STPG2: variants seen among roughly 807,000 people sequenced by gnomAD.
STPG2 encodes the protein sperm tail PG-rich repeat containing 2.
STPG2 carries 56 observed loss-of-function variants against 54.2 expected under a neutral mutation model. The observed-to-expected ratio is 1.03, with a 90% CI of 0.83 to 1.29. The LOEUF is 1.29. Ranked by LOEUF, STPG2 falls within the 50% of genes most tolerant of loss-of-function variation. STPG2 has a pLI of 0.00. For missense variants in STPG2, 596 were observed against 544.9 expected (o/e 1.09, Z -0.93); for synonymous variants, 200 against 181.8 (o/e 1.10, Z -0.81).
chr4:97,644,441 G>T (rs1042129865), intron 10 of STPG2, among the ~76,000 whole-genome samples: 1 of 151,920 alleles, frequency 6.6e-6, no homozygotes, highest in Admixed American at 6.6e-5. Context: ...AACCTTAAAA[G>T]CAACAGATGA....
intron 8 of STPG2, among the ~76,000 whole-genome samples, chr4:97,905,239 C>A (rs1358594086): frequency 6.6e-6 from 1 of 152,074 alleles, no homozygotes; most frequent in African/African-American, 2.4e-5. Flanking sequence ...GGAAGCCCAT[C>A]AGACTAACAG....
intron 7 of STPG2, among the ~76,000 whole-genome samples, chr4:97,947,586 A>G (rs1411771670): frequency 6.6e-6 from 1 of 151,852 alleles, no homozygotes; most frequent in Non-Finnish European, 1.5e-5. Context: ...TCCCTTTTAT[A>G]CCTAGTTTAT....
intron 9 of STPG2, among the ~76,000 whole-genome samples, chr4:97,755,370 G>GA (rs1416698403): frequency 6.6e-6 from 1 of 152,084 alleles, no homozygotes; most frequent in Non-Finnish European, 1.5e-5. Flanking sequence ...TTCAAAGAGG[G>GA]AAAACTGTGC....
At chr4:97,864,045 G>T (rs1044491290) in intron 8 of STPG2, among the ~76,000 whole-genome samples, 1 of 152,096 alleles carries the variant, frequency 6.6e-6, no homozygotes, top group Admixed American at 6.6e-5. Flanking sequence ...CACAAGACAG[G>T]GATGCCCTCT....
intron 7 of STPG2, among the ~76,000 whole-genome samples, chr4:97,956,558 T>C (rs886943306): frequency 2.0e-5 from 3 of 152,064 alleles, no homozygotes; most frequent in Admixed American, 6.6e-5. Context: ...AAAAAGCAGA[T>C]TGCTCCTGCA....
intron 10 of STPG2, among the ~76,000 whole-genome samples, chr4:97,695,312 CTCAGCAAAA>C (rs1303585889): frequency 6.6e-6 from 1 of 152,042 alleles, no homozygotes; most frequent in African/African-American, 2.4e-5. Flanking sequence ...GATTAAAACC[CTCAGCAAAA>C]TCAGCATAGA....
chr4:97,720,266 C>G (rs923002582), intron 9 of STPG2, among the ~76,000 whole-genome samples: 1 of 151,768 alleles, frequency 6.6e-6, no homozygotes, highest in Non-Finnish European at 1.5e-5. Flanking sequence ...ATTAAAAAAA[C>G]CAGCTCAGAG....
intron 10 of STPG2, among the ~76,000 whole-genome samples, chr4:97,693,352 A>C (rs1325114287): frequency 6.6e-6 from 1 of 152,132 alleles, no homozygotes; most frequent in Non-Finnish European, 1.5e-5. Flanking sequence ...AAGGTATCCC[A>C]TGCAAATCAA....
chr4:97,560,736 G>C (rs1445359116), intron 10 of STPG2, among the ~76,000 whole-genome samples: 3 of 152,112 alleles, frequency 2.0e-5, no homozygotes, highest in Admixed American at 2.0e-4. Context: ...TTTCGAAAGA[G>C]CCAGTACAAC....
At chr4:97,569,712 A>G (rs1013927896) in intron 10 of STPG2, among the ~76,000 whole-genome samples, 1 of 152,144 alleles carries the variant, frequency 6.6e-6, no homozygotes, top group Non-Finnish European at 1.5e-5. Flanking sequence ...TTATTTGATA[A>G]CCATTATATT....
At chr4:97,898,523 T>A (rs1332676221) in intron 8 of STPG2, among the ~76,000 whole-genome samples, 1 of 151,744 alleles carries the variant, frequency 6.6e-6, no homozygotes, top group Admixed American at 6.6e-5. Flanking sequence ...AAAGGTATGT[T>A]ATTTCAATGC....
At chr4:97,703,899 G>A (rs991100291) in intron 10 of STPG2, among the ~76,000 whole-genome samples, 8 of 151,366 alleles carry the variant, frequency 5.3e-5, no homozygotes, top group African/African-American at 1.9e-4. Flanking sequence ...GCAAACTGAG[G>A]AGCAAGGAGA....
chr4:97,624,889 A>G (rs1578433197), intron 10 of STPG2, among the ~76,000 whole-genome samples: 1 of 152,148 alleles, frequency 6.6e-6, no homozygotes, highest in South Asian at 2.1e-4. Context: ...TCCTTCCCCC[A>G]TTGTTTGTTT....
At chr4:97,894,824 C>A (rs944677283) in intron 8 of STPG2, among the ~76,000 whole-genome samples, 2 of 151,726 alleles carry the variant, frequency 1.3e-5, no homozygotes, top group Admixed American at 6.6e-5. Flanking sequence ...CTAAGGCTAG[C>A]GAGCAAAAGC....
At chr4:97,685,068 A>G (rs1723147775) in intron 10 of STPG2, among the ~76,000 whole-genome samples, 1 of 152,092 alleles carries the variant, frequency 6.6e-6, no homozygotes, top group African/African-American at 2.4e-5. Flanking sequence ...AGACACTGAT[A>G]ATAAAGATTA....
chr4:97,867,567 T>C (rs1729836927), intron 8 of STPG2, among the ~76,000 whole-genome samples: 1 of 152,090 alleles, frequency 6.6e-6, no homozygotes. Context: ...CCTTGCCTTT[T>C]TGTTTTACCC....
intron 10 of STPG2, among the ~76,000 whole-genome samples, chr4:97,632,163 T>A (rs1721308673): frequency 6.6e-6 from 1 of 152,050 alleles, no homozygotes; most frequent in Non-Finnish European, 1.5e-5. Context: ...GTTATCCTTT[T>A]TATGGCAATA....
intron 8 of STPG2, among the ~76,000 whole-genome samples, chr4:97,859,112 T>C (rs1024019764): frequency 3.9e-5 from 6 of 152,308 alleles, no homozygotes; most frequent in East Asian, 1.9e-4. Flanking sequence ...TGGAATCTCA[T>C]TGTAATTTTA....
At chr4:97,936,678 TTTTC>T (rs1732756771) in intron 8 of STPG2, among the ~76,000 whole-genome samples, 1 of 152,210 alleles carries the variant, frequency 6.6e-6, no homozygotes, top group Admixed American at 6.5e-5. Flanking sequence ...CTGAAAATTC[TTTTC>T]TTTAAGAATG....
Sources: gnomAD v4.1 joint callset for allele counts (sites outside exome capture counted in the v4.1 genomes callset) on GRCh38, gnomAD v4.1.1 for gene constraint, MANE v1.5 for transcripts, NCBI Gene and HGNC (gene_info 2026-07-23, HGNC 2026-07-21) for gene names.